SMIM7: variants seen among roughly 807,000 people sequenced by gnomAD.
SMIM7 encodes UPF0608 protein C19orf42.
In SMIM7, 12 loss-of-function variants were observed where a neutral mutation model predicts 13.3. That is an observed-to-expected ratio of 0.90 (90% CI 0.58 to 1.46). The LOEUF is 1.46. SMIM7 is among the 40% of genes most tolerant of loss of function. SMIM7 has a pLI of 0.00. For missense variants in SMIM7, 114 were observed against 94.8 expected (o/e 1.20, Z -0.84); for synonymous variants, 36 against 35.8 (o/e 1.01, Z -0.02).
At chr19:16,658,466 AGAT>A (rs2086624914) in intron 3 of SMIM7, among the ~76,000 whole-genome samples, 1 of 152,232 alleles carries the variant, frequency 6.6e-6, no homozygotes, top group African/African-American at 2.4e-5. Flanking sequence ...GGGCCCAGGC[AGAT>A]GATAGACATA....
intron 2 of SMIM7, 166 bp from the exon 3 acceptor site, chr19:16,659,613 C>G (rs1163400943): frequency 1.9e-5 from 14 of 724,990 alleles, no homozygotes; most frequent in Admixed American, 1.2e-4. Context: ...CCCCACTGCC[C>G]GGACAATCAC....
At chr19:16,644,099 C>T (rs551750217), downstream of SMIM7, among the ~76,000 whole-genome samples, 1 of 148,310 alleles carries the variant, frequency 6.7e-6, no homozygotes, top group African/African-American at 2.5e-5. Context: ...AAAGGTTTAC[C>T]AGGCTGGAAA....
At chr19:16,647,575 C>T (rs1034431559) in intron 4 of SMIM7, among the ~76,000 whole-genome samples, 1 of 150,330 alleles carries the variant, frequency 6.7e-6, no homozygotes, top group African/African-American at 2.5e-5. Context: ...CCTGCCTCAA[C>T]CTGCTGAGTA....
downstream of SMIM7, among the ~76,000 whole-genome samples, chr19:16,642,293 C>A (rs556728617): frequency 2.7e-4 from 41 of 152,334 alleles, 1 homozygote; most frequent in Admixed American, 5.2e-4. Flanking sequence ...CACGGTGGCT[C>A]ATGCCTGTAA....
In SMIM7 at chr19:16,659,948, G is replaced by C. The variant is rs763691363; in HGVS notation, c.68+11C>G. 1 of 1,602,434 alleles carries C rather than the reference G, an allele frequency of 6.2e-7. No homozygotes were observed. ...CCGGATGGAGCCGCAGTCCGGCCGC[G>C]ACCTACTCACAGCTTAAAGTTCAGC... On this transcript the variant is annotated intron_variant, in intron 2 of 4. Transcript: ENST00000487416.
At chr19:16,635,102 C>T (rs1287174997) in intron 4 of SMIM7, 1 of 151,996 alleles carries the variant, frequency 6.6e-6, no homozygotes, top group Non-Finnish European at 1.5e-5. Context: ...TGGCTCATGC[C>T]TATAATCCTA....
chr19:16,654,247 T>C (rs561692504), intron 3 of SMIM7, 122 bp from the exon 4 acceptor site: 1 of 730,744 alleles, frequency 1.4e-6, no homozygotes, highest in South Asian at 1.6e-5. Flanking sequence ...TCGGCAACAG[T>C]GTGGCTTTTC....
intron 3 of SMIM7, among the ~76,000 whole-genome samples, chr19:16,656,110 G>A (rs1295071625): frequency 1.3e-5 from 2 of 152,102 alleles, no homozygotes; most frequent in Admixed American, 6.6e-5. Flanking sequence ...TCCAGGCCGG[G>A]TGCAGTGGCT....
chr19:16,653,809 C>A (rs2086560785), intron 4 of SMIM7: 1 of 503,308 alleles, frequency 2.0e-6, no homozygotes, highest in South Asian at 2.9e-5. Flanking sequence ...GCAGGAGAAT[C>A]GCTTAGACCT....
Position 16,659,982 on chromosome 19 carries a change from G to T in SMIM7, c.45C>A (p.Ala15=), listed in dbSNP as rs554219033. 6.2e-7 allele frequency: 1 copy of T among 1,613,496 alleles called. No homozygotes were observed. Among genetic ancestry groups the T allele is most frequent in the Non-Finnish European group, 8.5e-7 (1 of 1,179,860 alleles). ...ILLFGTLLMN[A]GAVLNFKLKK... is the part of the protein sequence containing the mutation. ...ACAGCTTAAAGTTCAGCACCGCCCC[G>T]GCATTCATCAGCAACGTCCTGCAGA... Residue 15 remains alanine, a synonymous_variant, in exon 2 of 5, where the codon GCC becomes GCA. Transcript: ENST00000487416.
chr19:16,643,408 A>AT (rs1211733442), downstream of SMIM7, among the ~76,000 whole-genome samples: 1 of 152,022 alleles, frequency 6.6e-6, no homozygotes, highest in African/African-American at 2.4e-5. Flanking sequence ...TTTAAAAAAA[A>AT]TTTTTCTTTT....
At chr19:16,651,968 C>T (rs564342701) in intron 4 of SMIM7, among the ~76,000 whole-genome samples, 293 of 145,276 alleles carry the variant, frequency 2.0e-3, no homozygotes, top group Middle Eastern at 4.0e-3. Flanking sequence ...TTTGCAAAGA[C>T]GAGAATGAGG....
At chr19:16,633,590 G>A (rs1035457999) in intron 4 of SMIM7, among the ~76,000 whole-genome samples, 1 of 151,658 alleles carries the variant, frequency 6.6e-6, no homozygotes, top group African/African-American at 2.4e-5. Flanking sequence ...GTATTGAGCT[G>A]GGCACAGTGG....
At chr19:16,658,221 T>C (rs1479919623) in intron 3 of SMIM7, among the ~76,000 whole-genome samples, 3 of 152,200 alleles carry the variant, frequency 2.0e-5, no homozygotes, top group Non-Finnish European at 4.4e-5. Context: ...CCTCTGTCAC[T>C]ATCTATTCCC....
intron 4 of SMIM7, among the ~76,000 whole-genome samples, chr19:16,649,260 G>A (rs986995891): frequency 1.1e-4 from 17 of 151,934 alleles, no homozygotes; most frequent in Non-Finnish European, 1.2e-4. Flanking sequence ...TCTGGAGTTC[G>A]AGACCAGCCT....
At chr19:16,641,472 AT>A (rs1373845178), downstream of SMIM7, 1 of 151,188 alleles carries the variant, frequency 6.6e-6, no homozygotes, top group Non-Finnish European at 1.5e-5. Flanking sequence ...CTAATTTTGC[AT>A]TTTTAGTAGA....
chr19:16,638,976 A>T (rs2086381897), intron 4 of SMIM7: 1 of 152,112 alleles, frequency 6.6e-6, no homozygotes, highest in African/African-American at 2.4e-5. Flanking sequence ...CTCTAATTAG[A>T]TGTAAAGCTT....
At chr19:16,654,939 C>A (rs1476129271) in intron 3 of SMIM7, among the ~76,000 whole-genome samples, 1 of 152,112 alleles carries the variant, frequency 6.6e-6, no homozygotes, top group Non-Finnish European at 1.5e-5. Context: ...CCAACCCCTG[C>A]TCTGGGGTCA....
Position 16,647,158 on chromosome 19 carries a change from G to A in SMIM7, c.*88C>T. The A allele has an allele frequency of 6.4e-7, 1 of 1,569,934 alleles. No individual in the cohort carries two copies. The highest frequency in any genetic ancestry group is 1.3e-5 in the African/African-American group (1 of 74,164). ...TTTCTGGGAAGGTTGTCGGTTTTCT[G>A]GTCAAAAACATTCTTGAAGTCATCA... On this transcript the variant is annotated 3_prime_UTR_variant, in exon 5 of 5. Transcript: ENST00000487416.
Sources: allele counts gnomAD v4.1 joint callset (sites outside exome capture counted in the v4.1 genomes callset), GRCh38; gene constraint gnomAD v4.1.1; transcripts MANE v1.5; gene names NCBI Gene and HGNC (gene_info 2026-07-23, HGNC 2026-07-21).